The following NEDD4 variants were observed in gnomAD, a reference collection of about 807,000 sequenced individuals.
NEDD4 encodes the protein NEDD4 E3 ubiquitin protein ligase.
Under a neutral mutation model 144.9 loss-of-function variants are expected in NEDD4, and 99 were observed. The observed-to-expected ratio is 0.68, with a 90% CI of 0.58 to 0.81. NEDD4 has a LOEUF of 0.81. NEDD4 is among the 30% of genes least tolerant of loss of function. NEDD4 has a pLI of 0.00. For missense variants in NEDD4, 985 were observed against 1,065.9 expected, an observed-to-expected ratio of 0.92 and a Z score of 1.06; for synonymous variants, 318 against 350.6, an observed-to-expected ratio of 0.91 and a Z score of 1.04.
chr15:55,869,195 T>G (rs1372716306), intron 8 of NEDD4, among the ~76,000 whole-genome samples: 1 of 152,148 alleles, frequency 6.6e-6, no homozygotes, highest in African/African-American at 2.4e-5. Context: ...CCTCCCACCA[T>G]AATAAGAATA....
chr15:55,953,644 C>A (rs1050060920), intron 2 of NEDD4, among the ~76,000 whole-genome samples: 13 of 151,608 alleles, frequency 8.6e-5, no homozygotes, highest in African/African-American at 3.2e-4. Context: ...GTTTTGCCAT[C>A]TTGGCCAGGC....
At chr15:55,980,133 C>T (rs527494888) in intron 1 of NEDD4, among the ~76,000 whole-genome samples, 3 of 152,180 alleles carry the variant, frequency 2.0e-5, no homozygotes, top group East Asian at 1.9e-4. Context: ...AGCTTTGCCA[C>T]GTTGGCCAGG....
chr15:55,888,732 C>CA (rs1226930621), intron 5 of NEDD4, among the ~76,000 whole-genome samples: 1 of 152,170 alleles, frequency 6.6e-6, no homozygotes, highest in African/African-American at 2.4e-5. Context: ...ACCAAAATGG[C>CA]ATGGTACTGG....
At chr15:55,967,818 C>G (rs935178886) in intron 1 of NEDD4, among the ~76,000 whole-genome samples, 2 of 151,872 alleles carry the variant, frequency 1.3e-5, no homozygotes, top group Non-Finnish European at 2.9e-5. Context: ...CCCAGGAGTT[C>G]AAGACCAGCA....
intron 5 of NEDD4, among the ~76,000 whole-genome samples, chr15:55,920,909 A>C (rs2036556376): frequency 6.6e-6 from 1 of 151,966 alleles, no homozygotes; most frequent in African/African-American, 2.4e-5. Context: ...ACCATGTTCT[A>C]ATTATCTTTG....
At chr15:55,930,143 C>T (rs1490216754) in intron 4 of NEDD4, among the ~76,000 whole-genome samples, 1 of 152,100 alleles carries the variant, frequency 6.6e-6, no homozygotes, top group Non-Finnish European at 1.5e-5. Flanking sequence ...TAGCCATCTA[C>T]TTTTTAATTT....
chr15:55,852,445 A>C lies in NEDD4; in HGVS notation c.1125T>G (p.Thr375=), dbSNP rs748729687. 100 of 1,612,472 alleles carry C rather than the reference A, an allele frequency of 6.2e-5. No homozygotes were observed. The highest frequency in any genetic ancestry group is 2.2e-4 in the Admixed American group (13 of 59,870). Residue 375 remains threonine, a synonymous_variant, in exon 13 of 29, where the codon ACT becomes ACG. Coordinates refer to ENST00000435532, the MANE Select transcript of NEDD4 (RefSeq NM_006154.4). ...YYVDHNSRTT[T]WTKPTVQATV... is the part of the protein sequence containing the mutation. ...ATACCTGTACAGTGGGCTTTGTCCA[A>C]GTAGTCGTTCTGGAATTGTGATCTA...
At chr15:55,905,283 T>C (rs530381204) in intron 5 of NEDD4, 1 of 455,948 alleles carries the variant, frequency 2.2e-6, no homozygotes, top group South Asian at 1.6e-5. Context: ...TAACCATGGC[T>C]GTAAAACATA....
chr15:55,924,608 C>A (rs1183770480), intron 5 of NEDD4, 38 bp downstream of exon 5: 1 of 1,560,166 alleles, frequency 6.4e-7, no homozygotes, highest in Middle Eastern at 1.7e-4. Context: ...TGAAATGTAC[C>A]CTTACTTCAT....
In NEDD4 at chr15:55,951,555, T is replaced by C. The variant is rs370103713; in HGVS notation, c.154A>G (p.Met52Val). 103 of 1,528,782 alleles carry C rather than the reference T, an allele frequency of 6.7e-5. No individual in the cohort carries two copies. The highest frequency in any genetic ancestry group is 1.1e-4 in the Admixed American group (5 of 47,260). 94.7% of individuals were successfully genotyped at this position (1,528,782 alleles called of 1,614,324 possible). Residue 52 changes from methionine to valine, a missense_variant, in exon 3 of 29, where the codon ATG becomes GTG. Met to Val is a conservative substitution (Grantham distance 21, BLOSUM62 1). Transcript: ENST00000435532. ...PYVRVTLYDP[M>V]NGVLTSVQTK... ...TGCACACTTGTAAGAACTCCATTCA[T>C]TGGGTCATATAACGTCACTCTCACG...
intron 1 of NEDD4, among the ~76,000 whole-genome samples, chr15:55,970,179 T>C (rs1211896334): frequency 3.3e-5 from 5 of 152,118 alleles, no homozygotes; most frequent in African/African-American, 1.2e-4. Flanking sequence ...CTCTGTCTGC[T>C]TGAGAAAATC....
chr15:55,887,798 T>C (rs1434017766), intron 5 of NEDD4, among the ~76,000 whole-genome samples: 2 of 152,132 alleles, frequency 1.3e-5, no homozygotes, highest in Non-Finnish European at 2.9e-5. Flanking sequence ...CCAAGGGGGA[T>C]TCATTACAGG....
intron 4 of NEDD4, 125 bp from the exon 5 acceptor site, chr15:55,924,824 T>C: frequency 1.1e-6 from 1 of 880,590 alleles, no homozygotes; most frequent in Non-Finnish European, 1.8e-6. Context: ...TCCCAGCACT[T>C]TGGGAGGCCG....
At chr15:55,944,591 T>C (rs1185995148) in intron 4 of NEDD4, among the ~76,000 whole-genome samples, 1 of 152,204 alleles carries the variant, frequency 6.6e-6, no homozygotes, top group African/African-American at 2.4e-5. Context: ...CAGAAACTTC[T>C]ACAGACTTAA....
At chr15:55,833,221 GTTTC>G in intron 26 of NEDD4, 117 bp from the exon 27 acceptor site, 1 of 620,112 alleles carries the variant, frequency 1.6e-6, no homozygotes. Context: ...AGATGTGGAT[GTTTC>G]TTTCAGTTAA....
chr15:55,876,519 CTT>C (rs542836652), intron 5 of NEDD4, among the ~76,000 whole-genome samples: 12 of 152,006 alleles, frequency 7.9e-5, no homozygotes, highest in South Asian at 4.1e-4. Flanking sequence ...TGTTGCAAGA[CTT>C]ATATTTTATA....
intron 5 of NEDD4, among the ~76,000 whole-genome samples, chr15:55,903,183 T>C (rs749145366): frequency 3.6e-4 from 55 of 152,274 alleles, no homozygotes; most frequent in East Asian, 7.7e-4. Context: ...TCAGCCCAAA[T>C]GGAATTTTTC....
chr15:55,945,414 C>T (rs1185140152), intron 4 of NEDD4, among the ~76,000 whole-genome samples: 4 of 151,960 alleles, frequency 2.6e-5, no homozygotes, highest in African/African-American at 9.7e-5. Flanking sequence ...AAGGCTATCA[C>T]TGATTGAAGA....
At chr15:55,838,641 T>C (rs1465023955) in intron 21 of NEDD4, 37 bp from the exon 22 acceptor site, 1 of 1,435,128 alleles carries the variant, frequency 7.0e-7, no homozygotes, top group Non-Finnish European at 9.8e-7. Context: ...AATTTGTATC[T>C]ATAACACACC....
Sources: allele counts gnomAD v4.1 joint callset (sites outside exome capture counted in the v4.1 genomes callset), GRCh38; gene constraint gnomAD v4.1.1; transcripts MANE v1.5; gene names NCBI Gene and HGNC (gene_info 2026-07-23, HGNC 2026-07-21).